Variants in RBFOX3 observed in about 807,000 individuals in gnomAD.
RBFOX3 encodes RNA binding protein fox-1 homolog 3.
A neutral mutation model predicts 48.7 loss-of-function variants in RBFOX3; 17 were observed. That is an observed-to-expected ratio of 0.35 (90% confidence interval 0.24 to 0.52). The LOEUF (loss-of-function observed/expected upper bound fraction) is 0.52. RBFOX3 is among the 20% of genes least tolerant of loss of function. RBFOX3 has a pLI of 0.94. For missense variants in RBFOX3, 382 were observed against 497.5 expected, an observed-to-expected ratio of 0.77 and a Z score of 2.21; for synonymous variants, 212 against 209.5, an observed-to-expected ratio of 1.01 and a Z score of -0.10.
intron 3 of RBFOX3, among the ~76,000 whole-genome samples, chr17:79,275,168 C>T (rs1016771641): frequency 3.9e-4 from 59 of 149,810 alleles, no homozygotes; most frequent in African/African-American, 1.4e-3. Flanking sequence ...CTCCCTATCT[C>T]TCTCCCCCTC....
intron 2 of RBFOX3, among the ~76,000 whole-genome samples, chr17:79,436,347 G>A (rs1344217010): frequency 6.6e-6 from 1 of 152,264 alleles, no homozygotes. Context: ...ACATACTTGG[G>A]TGCAGCTGGA....
intron 2 of RBFOX3, among the ~76,000 whole-genome samples, chr17:79,432,371 A>C (rs868934473): frequency 2.6e-5 from 4 of 152,244 alleles, no homozygotes; most frequent in Admixed American, 6.5e-5. Context: ...AAGCATCTCC[A>C]TGGAGCTTCA....
chr17:79,400,964 A>T (rs548758706), intron 2 of RBFOX3, among the ~76,000 whole-genome samples: 1 of 152,354 alleles, frequency 6.6e-6, no homozygotes, highest in East Asian at 1.9e-4. Context: ...CTGTGCCAAG[A>T]GATCCTCCTC....
At position 79,106,532 on chromosome 17, in the gene RBFOX3, G is replaced by A. The variant is rs1015130663; in HGVS notation, c.360+119C>T. On this transcript the variant is annotated intron_variant, in intron 6 of 14. Coordinates refer to ENST00000693108, the MANE Select transcript of RBFOX3 (RefSeq NM_001350451.2). ...TCCTGGGGCCCCGGAGGCTCCCTGC[G>A]CAGTGGGAGGCAGGAAACCCGGGGG... The A allele has an allele frequency of 2.8e-5, 36 of 1,266,576 alleles. No homozygotes were observed. In the African/African-American group the frequency reaches 3.6e-4, roughly 13 times the overall value. The allele number at this position is 1,266,576 out of a possible 1,614,324, so 78.5% of individuals were successfully genotyped here.
rs955753000 is a variant in RBFOX3 at position 79,561,450 on chromosome 17, T to A, written c.-320+49376A>T. On this transcript the variant is annotated intron_variant, in intron 1 of 14. Coordinates refer to ENST00000693108, the MANE Select transcript of RBFOX3 (RefSeq NM_001350451.2). ...GTGAGCAGAGACCACCACTGCAGAT[T>A]CAGATGACAGAGAGCAAGGGTCGCC... Among the ~76,000 whole-genome samples, 804 of 152,082 alleles carry A rather than the reference T, an allele frequency of 5.3e-3. 12 individuals carry two copies. Among genetic ancestry groups the A allele is most frequent in the African/African-American group, 0.019 (779 of 41,472 alleles).
chr17:79,183,946 G>A (rs1183509076), intron 4 of RBFOX3, among the ~76,000 whole-genome samples: 2 of 152,206 alleles, frequency 1.3e-5, no homozygotes, highest in East Asian at 3.9e-4. Context: ...TGGCCTGGGG[G>A]GTCTGGAATC....
intron 2 of RBFOX3, among the ~76,000 whole-genome samples, chr17:79,461,105 ATC>A (rs1373446784): frequency 1.3e-5 from 2 of 152,168 alleles, no homozygotes; most frequent in Non-Finnish European, 2.9e-5. Flanking sequence ...ACTGTAACCT[ATC>A]TGTCTCCTCC....
intron 2 of RBFOX3, among the ~76,000 whole-genome samples, chr17:79,422,087 G>A (rs180788299): frequency 2.6e-5 from 4 of 152,250 alleles, no homozygotes; most frequent in East Asian, 1.9e-4. Context: ...TGAGAGAGGC[G>A]GGACTTGGAG....
At chr17:79,197,444 A>ATGCCACTCT in intron 4 of RBFOX3, among the ~76,000 whole-genome samples, 1 of 141,588 alleles carries the variant, frequency 7.1e-6, no homozygotes, top group East Asian at 2.1e-4. Context: ...GCTGGAGTGC[A>ATGCCACTCT]GTGGCATGAT....
At chr17:79,459,284 C>G (rs892590330) in intron 2 of RBFOX3, among the ~76,000 whole-genome samples, 2 of 152,180 alleles carry the variant, frequency 1.3e-5, no homozygotes, top group African/African-American at 4.8e-5. Flanking sequence ...TGCTGCTCTT[C>G]CACTAGCTGG....
At chr17:79,461,803 G>C (rs1215077640) in intron 2 of RBFOX3, among the ~76,000 whole-genome samples, 1 of 152,230 alleles carries the variant, frequency 6.6e-6, no homozygotes, top group Non-Finnish European at 1.5e-5. Flanking sequence ...TTTGGACAGA[G>C]ACACAGAGGA....
chr17:79,536,565 T>C (rs1462104689), intron 1 of RBFOX3, among the ~76,000 whole-genome samples: 3 of 152,158 alleles, frequency 2.0e-5, no homozygotes, highest in Non-Finnish European at 4.4e-5. Flanking sequence ...GGTGATCCAT[T>C]GCCCTGATGG....
intron 2 of RBFOX3, among the ~76,000 whole-genome samples, chr17:79,313,337 A>G (rs2077105108): frequency 6.6e-6 from 1 of 152,196 alleles, no homozygotes; most frequent in Non-Finnish European, 1.5e-5. Context: ...CGTCCAGAGC[A>G]CGGACCTCCC....
chr17:79,397,492 CCAAA>C (rs2062158953), intron 2 of RBFOX3, among the ~76,000 whole-genome samples: 1 of 146,776 alleles, frequency 6.8e-6, no homozygotes. Context: ...GACTCCATCC[CCAAA>C]AAAAAAAAAA....
intron 5 of RBFOX3, among the ~76,000 whole-genome samples, chr17:79,108,404 C>A (rs2077842155): frequency 6.6e-6 from 1 of 152,258 alleles, no homozygotes. Flanking sequence ...CATTCCCACG[C>A]ATCTCCAGCT....
At chr17:79,223,448 C>T (rs2059959219) in intron 4 of RBFOX3, among the ~76,000 whole-genome samples, 1 of 152,232 alleles carries the variant, frequency 6.6e-6, no homozygotes, top group South Asian at 2.1e-4. Flanking sequence ...TGGAAATGTA[C>T]CAATGTGGCA....
Position 79,199,721 on chromosome 17 carries a change from T to C in RBFOX3, c.-34+36045A>G, listed in dbSNP as rs534489203. Among the ~76,000 whole-genome samples, 1 of 152,340 alleles carries C rather than the reference T, an allele frequency of 6.6e-6. No homozygotes were observed. Among genetic ancestry groups the C allele is most frequent in the African/African-American group, 2.4e-5 (1 of 41,574 alleles). On this transcript the variant is annotated intron_variant, in intron 4 of 14. Transcript: ENST00000693108. This position sits in a 1 kb window ranked among gnomAD's most constrained non-coding sequence, Gnocchi z 5.1. The stretch of plus-strand genomic sequence containing the variant: ...TCACACATGGCTCCTGGTGACCATA[T>C]TGACACAGATATGACATTGCTGCTG...
At chr17:79,402,245 G>A in intron 2 of RBFOX3, among the ~76,000 whole-genome samples, 1 of 152,254 alleles carries the variant, frequency 6.6e-6, no homozygotes, top group East Asian at 1.9e-4. Flanking sequence ...CTTTGCCAGT[G>A]CAGAAGAAAA....
the RBFOX3 span, among the ~76,000 whole-genome samples, chr17:79,628,485 G>T: frequency 6.6e-6 from 1 of 152,174 alleles, no homozygotes; most frequent in African/African-American, 2.4e-5. Flanking sequence ...GACGTGCCCG[G>T]GTTTAGACTG....
Sources: gnomAD v4.1 joint callset for allele counts (sites outside exome capture counted in the v4.1 genomes callset) on GRCh38, gnomAD v4.1.1 for gene constraint, Gnocchi (gnomAD v3.1) non-coding constraint, MANE v1.5 for transcripts, NCBI Gene and HGNC (gene_info 2026-07-23, HGNC 2026-07-21) for gene names.